Variants in DIP2B observed in about 807,000 individuals in gnomAD.
DIP2B encodes the protein disco-interacting protein 2 homolog B.
In DIP2B, 76 loss-of-function variants were observed where a neutral mutation model predicts 198.0. The ratio of observed to expected loss-of-function variants is 0.38; its 90% CI spans 0.32 to 0.46. The LOEUF (loss-of-function observed/expected upper bound fraction) is 0.46, where lower values mean the gene tolerates loss of function less well. Ranked by LOEUF, DIP2B falls within the 20% of genes least tolerant of loss-of-function variation. The pLI is 0.99. For synonymous variants in DIP2B, 701 were observed against 739.1 expected, an observed-to-expected ratio of 0.95 and a Z score of 0.84; for missense variants, 1,559 against 1,978.4, an observed-to-expected ratio of 0.79 and a Z score of 4.02.
At chr12:50,566,584 G>T (rs576507660) in intron 1 of DIP2B, among the ~76,000 whole-genome samples, 1 of 151,948 alleles carries the variant, frequency 6.6e-6, no homozygotes, top group South Asian at 2.1e-4. Flanking sequence ...TCCTTCTGTG[G>T]TTCCAGTGAC....
At chr12:50,561,191 T>G (rs1350911339) in intron 1 of DIP2B, among the ~76,000 whole-genome samples, 1 of 152,178 alleles carries the variant, frequency 6.6e-6, no homozygotes, top group Non-Finnish European at 1.5e-5. Context: ...GGTGAATATT[T>G]AAGTTTTATT....
rs543361439 is a variant in DIP2B at position 50,691,630 on chromosome 12, C to A, written c.1654+479C>A. On this transcript the variant is annotated intron_variant, in intron 13 of 37. Coordinates refer to ENST00000301180, the MANE Select transcript of DIP2B (RefSeq NM_173602.3). The stretch of plus-strand genomic sequence containing the variant: ...AATATTAATTTTTTTAGTGTTTTCC[C>A]TTTATAAAATGAAACAAGTTAATAA... 1.1e-4 allele frequency among the ~76,000 whole-genome samples: 16 copies of A among 152,232 alleles called. No individual in the cohort carries two copies. The South Asian group carries it at 2.9e-3, about 28-fold the overall frequency.
intron 9 of DIP2B, among the ~76,000 whole-genome samples, chr12:50,682,537 G>A (rs1445273515): frequency 1.4e-5 from 2 of 148,002 alleles, no homozygotes; most frequent in Non-Finnish European, 3.0e-5. Context: ...GCTGAGGCAG[G>A]AGAATGGCGT....
At chr12:50,671,532 A>G in intron 5 of DIP2B, 134 bp downstream of exon 5, 2 of 844,392 alleles carry the variant, frequency 2.4e-6, no homozygotes, top group South Asian at 1.8e-5. Flanking sequence ...ATGACAGTTA[A>G]TGAGGAAAAG....
At chr12:50,732,801 G>A (rs1940067718) in intron 32 of DIP2B, among the ~76,000 whole-genome samples, 1 of 152,236 alleles carries the variant, frequency 6.6e-6, no homozygotes. Context: ...GACAGTGAGC[G>A]CAGTGTTGGT....
chr12:50,674,756 A>G, intron 6 of DIP2B, 127 bp downstream of exon 6: 1 of 1,128,180 alleles, frequency 8.9e-7, no homozygotes, highest in Non-Finnish European at 1.3e-6. Context: ...ACTAATAACT[A>G]ATCCTGGGTA....
intron 1 of DIP2B, among the ~76,000 whole-genome samples, chr12:50,618,513 C>T (rs1267184339): frequency 6.6e-6 from 1 of 152,178 alleles, no homozygotes; most frequent in Non-Finnish European, 1.5e-5. Context: ...AGACCTAACC[C>T]AAGAGCAACT....
intron 30 of DIP2B, among the ~76,000 whole-genome samples, 176 bp from the exon 31 acceptor site, chr12:50,731,193 A>G (rs1447328543): frequency 6.6e-6 from 1 of 152,224 alleles, no homozygotes; most frequent in African/African-American, 2.4e-5. Context: ...GCTTTATTTC[A>G]TAGTTGCTCC....
intron 1 of DIP2B, among the ~76,000 whole-genome samples, chr12:50,625,043 A>T (rs148841799): frequency 1.3e-5 from 2 of 152,316 alleles, no homozygotes; most frequent in African/African-American, 4.8e-5. Context: ...CTACAATTTG[A>T]CTTTTTTTCC....
intron 1 of DIP2B, among the ~76,000 whole-genome samples, chr12:50,567,229 A>G (rs943477873): frequency 6.6e-6 from 1 of 152,228 alleles, no homozygotes; most frequent in Non-Finnish European, 1.5e-5. Context: ...CCCTTTTCCC[A>G]GCCTCTCCCA....
At position 50,664,830 on chromosome 12, in the gene DIP2B, GTTTTTGTTT is replaced by G. The variant is rs1938719203; in HGVS notation, c.427+4517_427+4525del. Among the ~76,000 whole-genome samples, 2 of 99,684 alleles carry G rather than the reference GTTTTTGTTT, an allele frequency of 2.0e-5. 1 individual carries two copies. The highest frequency in any genetic ancestry group is 8.3e-5 in the African/African-American group (2 of 23,964). The allele number at this position is 99,684 out of a possible 152,430, so 65.4% of individuals were successfully genotyped here. On this transcript the variant is annotated intron_variant, in intron 4 of 37. Coordinates refer to ENST00000301180, the MANE Select transcript of DIP2B (RefSeq NM_173602.3). ...CAAGGAGAATTTCCCTCCTTTTTTGGTTTTTGTTTTTTTTTTTTTTTTTTTTTTTTTTTT... is the reference window on the plus strand; with the variant it reads ...CAAGGAGAATTTCCCTCCTTTTTTGGTTTTTTTTTTTTTTTTTTTTTTTTT...
At chr12:50,508,601 A>G (rs1209953309) in intron 1 of DIP2B, among the ~76,000 whole-genome samples, 2 of 152,208 alleles carry the variant, frequency 1.3e-5, no homozygotes, top group African/African-American at 4.8e-5. Context: ...TGCATACCTA[A>G]TAAGTGTCGT....
intron 1 of DIP2B, among the ~76,000 whole-genome samples, chr12:50,522,663 A>G (rs1958131295): frequency 6.6e-6 from 1 of 152,214 alleles, no homozygotes; most frequent in Admixed American, 6.5e-5. Context: ...TTATAACATA[A>G]CATTGAGTAA....
At chr12:50,533,745 A>G (rs961174962) in intron 1 of DIP2B, among the ~76,000 whole-genome samples, 7 of 151,818 alleles carry the variant, frequency 4.6e-5, no homozygotes, top group Admixed American at 4.6e-4. Context: ...AGTGGGCACC[A>G]TGCTGGCTAA....
At chr12:50,574,459 C>T (rs773175851) in intron 1 of DIP2B, among the ~76,000 whole-genome samples, 6 of 152,210 alleles carry the variant, frequency 3.9e-5, no homozygotes, top group South Asian at 2.1e-4. Context: ...AGACCTACCC[C>T]GTGGGCACAG....
intron 1 of DIP2B, among the ~76,000 whole-genome samples, chr12:50,611,941 A>G (rs919007672): frequency 1.3e-5 from 2 of 151,916 alleles, no homozygotes; most frequent in Non-Finnish European, 2.9e-5. Flanking sequence ...GCTCTTGCCT[A>G]TAATCCCAGG....
In DIP2B at chr12:50,678,806, C is replaced by T; in HGVS notation, c.1044C>T (p.Thr348=). 2 of 1,614,194 alleles carry T rather than the reference C, an allele frequency of 1.2e-6. No individual in the cohort carries two copies. Among genetic ancestry groups the T allele is most frequent in the East Asian group, 2.2e-5 (1 of 44,882 alleles). Residue 348 remains threonine (T), a synonymous_variant, in exon 8 of 38, where the codon ACC becomes ACT. Coordinates refer to ENST00000301180, the MANE Select transcript of DIP2B (RefSeq NM_173602.3). ...AATCTGCCCTGCAGCGCTGGGGTACCACTCAAGCAAAATGCTCCTGTCTGA... is the reference window on the plus strand; with the variant it reads ...AATCTGCCCTGCAGCGCTGGGGTACTACTCAAGCAAAATGCTCCTGTCTGA... ...ALESALQRWG[T]TQAKCSCLTA... is the part of the protein sequence containing the mutation.
At chr12:50,639,410 G>A (rs928913511) in intron 2 of DIP2B, among the ~76,000 whole-genome samples, 11 of 152,128 alleles carry the variant, frequency 7.2e-5, no homozygotes, top group East Asian at 3.9e-4. Flanking sequence ...GGGCTCAGCC[G>A]GAACTATTGA....
At chr12:50,616,235 T>A (rs1201249307) in intron 1 of DIP2B, among the ~76,000 whole-genome samples, 1 of 152,260 alleles carries the variant, frequency 6.6e-6, no homozygotes, top group East Asian at 1.9e-4. Flanking sequence ...GGAAATTGTC[T>A]AGTCATTGTC....
Sources: gnomAD v4.1 joint callset for allele counts (sites outside exome capture counted in the v4.1 genomes callset) on GRCh38, gnomAD v4.1.1 for gene constraint, MANE v1.5 for transcripts, NCBI Gene and HGNC (gene_info 2026-07-23, HGNC 2026-07-21) for gene names.